Variants in WDR86 observed in about 807,000 individuals in gnomAD.
The protein encoded by WDR86 is WD repeat-containing protein 86.
WDR86 carries 30 observed loss-of-function variants against 36.5 expected under a neutral mutation model. The ratio of observed to expected loss-of-function variants is 0.82; its 90% CI spans 0.61 to 1.11. The LOEUF is 1.11. Ranked by LOEUF, WDR86 falls within the 50% of genes most tolerant of loss-of-function variation. WDR86 has a pLI of 0.00. For missense variants in WDR86, 545 were observed against 561.2 expected (o/e 0.97, Z 0.29); for synonymous variants, 255 against 252.9 (o/e 1.01, Z -0.08).
At position 151,400,122 on chromosome 7, in the gene WDR86, C is replaced by T; in HGVS notation, c.283G>A (p.Gly95Arg). Residue 95 changes from glycine (G) to arginine (R), a missense_variant, in exon 2 of 6, where the codon GGA (glycine) becomes AGA (arginine). Coordinates refer to ENST00000334493, the MANE Select transcript of WDR86 (RefSeq NM_198285.3). ...LTGQCLQVYR[G>R]HTSIVNRILV... ...GACCTGTTCACGATGGACGTGTGTCCTCGGTACACCTGCAGACACTGCCCG... is the reference window on the plus strand; with the variant it reads ...GACCTGTTCACGATGGACGTGTGTCTTCGGTACACCTGCAGACACTGCCCG... 1 of 1,607,200 alleles carries T rather than the reference C, an allele frequency of 6.2e-7. No individual in the cohort carries two copies. Among genetic ancestry groups the T allele is most frequent in the Non-Finnish European group, 8.5e-7 (1 of 1,176,686 alleles).
chr7:151,403,828 G>C (rs114009646), intron 1 of WDR86, among the ~76,000 whole-genome samples: 53 of 152,350 alleles, frequency 3.5e-4, no homozygotes, highest in African/African-American at 1.3e-3. Flanking sequence ...GCCGCCAGGA[G>C]GGCTCAGCAG....
At chr7:151,375,219 T>C (rs1352426815), downstream of WDR86, among the ~76,000 whole-genome samples, 1 of 152,266 alleles carries the variant, frequency 6.6e-6, no homozygotes, top group Non-Finnish European at 1.5e-5. Flanking sequence ...ACATATACGT[T>C]AAATTTTAAA....
chr7:151,396,277 G>T, intron 2 of WDR86, 81 bp from the exon 3 acceptor site: 2 of 1,494,158 alleles, frequency 1.3e-6, no homozygotes, highest in Non-Finnish European at 1.9e-6. Flanking sequence ...GCCATGCTCG[G>T]CACTGCAGCT....
At chr7:151,381,045 G>A (rs1798525829), downstream of WDR86, 4 of 881,742 alleles carry the variant, frequency 4.5e-6, no homozygotes, top group Non-Finnish European at 4.3e-6. The surrounding 1 kb of genome is among the most constrained non-coding windows in gnomAD (Gnocchi z 4.8). Flanking sequence ...GAGGCCCGCC[G>A]CCCTGGGTTC....
intron 3 of WDR86, among the ~76,000 whole-genome samples, chr7:151,389,118 C>CTTTTTTTTTTTT (rs34882878): frequency 2.4e-5 from 3 of 125,574 alleles, no homozygotes; most frequent in African/African-American, 3.1e-5. Flanking sequence ...CTTTTCTTTC[C>CTTTTTTTTTTTT]TTTTTTTTTT....
chr7:151,377,325 A>C, downstream of WDR86: 1 of 684,304 alleles, frequency 1.5e-6, no homozygotes, highest in South Asian at 2.1e-5. Flanking sequence ...CTGAATTACA[A>C]GTCCTCTTTG....
At chr7:151,385,833 G>A (rs532678124) in intron 3 of WDR86, among the ~76,000 whole-genome samples, 1 of 152,252 alleles carries the variant, frequency 6.6e-6, no homozygotes, top group East Asian at 1.9e-4. Context: ...AGGAGACAAG[G>A]GAAGAGGCCC....
chr7:151,395,677 T>G, intron 3 of WDR86, 99 bp downstream of exon 3: 1 of 1,382,684 alleles, frequency 7.2e-7, no homozygotes, highest in Non-Finnish European at 9.6e-7. Context: ...CTGCAGCGCT[T>G]TGTTATGCAG....
At chr7:151,383,038 G>A (rs944432796) in intron 4 of WDR86, among the ~76,000 whole-genome samples, 10 of 150,936 alleles carry the variant, frequency 6.6e-5, no homozygotes, top group African/African-American at 2.2e-4. Flanking sequence ...AGGCTGGAGT[G>A]CAGTGGTACC....
intron 3 of WDR86, among the ~76,000 whole-genome samples, chr7:151,387,781 C>T (rs569738440): frequency 3.9e-5 from 6 of 152,340 alleles, no homozygotes; most frequent in South Asian, 4.1e-4. Flanking sequence ...TGTCGGGGGA[C>T]GCACCACCTG....
chr7:151,403,160 A>T (rs1800461430), intron 1 of WDR86, among the ~76,000 whole-genome samples: 2 of 150,140 alleles, frequency 1.3e-5, no homozygotes. Flanking sequence ...AGGGAAGCCA[A>T]ATTTTGCTTT....
At chr7:151,394,758 C>A (rs528414330) in intron 3 of WDR86, among the ~76,000 whole-genome samples, 13 of 152,376 alleles carry the variant, frequency 8.5e-5, no homozygotes, top group Non-Finnish European at 1.8e-4. Flanking sequence ...AACTTCATAC[C>A]ATAATCCCTA....
In WDR86 at chr7:151,381,231, G is replaced by T. The variant is rs1300168759; in HGVS notation, c.*351C>A. ...TTCTGTAAAAAGTCACTTCCTCTCA[G>T]CAGGAAAGGCCCAGTTTCGTGGGGC... is the stretch of plus-strand genomic sequence containing the variant. On this transcript the variant is annotated 3_prime_UTR_variant, in exon 6 of 6. Coordinates refer to ENST00000334493, the MANE Select transcript of WDR86 (RefSeq NM_198285.3). The surrounding 1 kb of genome is among the most constrained non-coding windows in gnomAD (Gnocchi z 4.8). 5.4e-6 allele frequency: 7 copies of T among 1,286,448 alleles called. No individual in the cohort carries two copies. Among genetic ancestry groups the T allele is most frequent in the Non-Finnish European group, 6.9e-6 (7 of 1,021,186 alleles). 79.7% of individuals were successfully genotyped at this position (1,286,448 alleles called of 1,614,324 possible). A position where few individuals can be genotyped will look rare whatever the true frequency, so the allele number is the denominator to read the frequency against.
chr7:151,395,723 A>AG, intron 3 of WDR86, 53 bp downstream of exon 3: 5 of 1,500,650 alleles, frequency 3.3e-6, no homozygotes, highest in Non-Finnish European at 3.6e-6. Flanking sequence ...GCGGCAGTGC[A>AG]GGGGGTGACC....
In WDR86 at chr7:151,401,741, C is replaced by G. The variant is rs1295391655; in HGVS notation, c.164-1500G>C. 6.6e-6 allele frequency among the ~76,000 whole-genome samples: 1 copy of G among 151,720 alleles called. No homozygotes were observed. The highest frequency in any genetic ancestry group is 1.5e-5 in the Non-Finnish European group (1 of 67,926). On this transcript the variant is annotated intron_variant, in intron 1 of 5. Transcript: ENST00000334493. This position sits in a 1 kb window ranked among gnomAD's most constrained non-coding sequence, Gnocchi z 4.3. ...ACTGGGGAGATTATCCTAGATTATC[C>G]GGGGGGTCCTAAATACAACCGCAAG...
At chr7:151,407,773 G>C (rs1256965954) in intron 1 of WDR86, among the ~76,000 whole-genome samples, 1 of 152,058 alleles carries the variant, frequency 6.6e-6, no homozygotes, top group East Asian at 1.9e-4. Flanking sequence ...CCCGGGAGGC[G>C]GAGGTTGCAG....
chr7:151,370,426 C>A, the WDR86 span, among the ~76,000 whole-genome samples: 2 of 152,122 alleles, frequency 1.3e-5, no homozygotes, highest in Non-Finnish European at 2.9e-5. Context: ...TTTACATGGT[C>A]TAATTCAGTA....
At chr7:151,383,920 G>A (rs1423036319) in intron 4 of WDR86, among the ~76,000 whole-genome samples, 3 of 152,254 alleles carry the variant, frequency 2.0e-5, no homozygotes, top group Admixed American at 6.5e-5. Context: ...CTAGGCGGCC[G>A]CCGGCCAGAG....
Position 151,409,200 on chromosome 7 carries a change from CG to C in WDR86, c.163+226del. Reference sequence around the variant, plus strand: ...GCCCCTCGACCCACCCACCCGATCCCGGCCGCACCCTGCTCTGCACCCGCAC... The same window carrying C: ...GCCCCTCGACCCACCCACCCGATCCCGCCGCACCCTGCTCTGCACCCGCAC... On this transcript the variant is annotated intron_variant, in intron 1 of 5. Coordinates refer to ENST00000334493, the MANE Select transcript of WDR86 (RefSeq NM_198285.3). The surrounding 1 kb of genome is among the most constrained non-coding windows in gnomAD (Gnocchi z 5.2). 5.8e-6 allele frequency: 4 copies of C among 694,956 alleles called. No individual in the cohort carries two copies. Among genetic ancestry groups the C allele is most frequent in the Middle Eastern group, 3.7e-4 (1 of 2,734 alleles). 43.0% of individuals were successfully genotyped at this position (694,956 alleles called of 1,614,324 possible).
Sources: gnomAD v4.1 joint callset for allele counts (sites outside exome capture counted in the v4.1 genomes callset) on GRCh38, gnomAD v4.1.1 for gene constraint, Gnocchi (gnomAD v3.1) non-coding constraint, MANE v1.5 for transcripts, NCBI Gene and HGNC (gene_info 2026-07-23, HGNC 2026-07-21) for gene names.